Variants in TAF1B observed in about 807,000 individuals in gnomAD.
The protein encoded by TAF1B is TATA-box binding protein associated factor, RNA polymerase I subunit B, also known as TATA box-binding protein-associated factor RNA polymerase I subunit B.
In TAF1B, 61 loss-of-function variants were observed where a neutral mutation model predicts 83.9. The observed-to-expected ratio is 0.73, with a 90% CI of 0.59 to 0.90. TAF1B has a LOEUF of 0.90. TAF1B is among the 40% of genes least tolerant of loss of function. The pLI, the probability that TAF1B is intolerant of heterozygous loss-of-function variation, is 0.00. For missense variants in TAF1B, 625 were observed against 677.0 expected (o/e 0.92, Z 0.85); for synonymous variants, 221 against 224.6 (o/e 0.98, Z 0.14).
chr2:9,845,897 C>T (rs1663191041), intron 2 of TAF1B: 3 of 323,126 alleles, frequency 9.3e-6, no homozygotes, highest in South Asian at 5.4e-5. Context: ...GCAGGAGAAT[C>T]GCTTGGACCC....
chr2:9,914,640 C>T lies in TAF1B; in HGVS notation c.1271+1391C>T, dbSNP rs114807513. Reference sequence around the variant, plus strand: ...TGTCAGTTGCACATTTAAGACTTACCGGCTTTTAGCTACTTTAGGGAATAA... The same window carrying T: ...TGTCAGTTGCACATTTAAGACTTACTGGCTTTTAGCTACTTTAGGGAATAA... On this transcript the variant is annotated intron_variant, in intron 12 of 14. Transcript: ENST00000263663. The surrounding 1 kb of genome is among the most constrained non-coding windows in gnomAD (Gnocchi z 4.3). Among the ~76,000 whole-genome samples, 233 of 152,216 alleles carry T rather than the reference C, an allele frequency of 1.5e-3. No homozygotes were observed. The highest frequency in any genetic ancestry group is 4.6e-3 in the African/African-American group (189 of 41,534).
chr2:9,886,953 T>C (rs1320003938), intron 8 of TAF1B, among the ~76,000 whole-genome samples: 1 of 152,008 alleles, frequency 6.6e-6, no homozygotes, highest in South Asian at 2.1e-4. Context: ...TAGTCCCAGC[T>C]ACTCGGGAGG....
At chr2:9,916,200 A>G (rs1328905769) in intron 12 of TAF1B, among the ~76,000 whole-genome samples, 1 of 152,254 alleles carries the variant, frequency 6.6e-6, no homozygotes, top group Non-Finnish European at 1.5e-5. Context: ...AGTAAATTTT[A>G]CTGAATGTAA....
chr2:9,884,908 C>A (rs912345114), intron 8 of TAF1B, among the ~76,000 whole-genome samples: 6 of 152,174 alleles, frequency 3.9e-5, no homozygotes, highest in African/African-American at 1.4e-4. Flanking sequence ...TAGTGACCCA[C>A]ATTCTAACTC....
In TAF1B at chr2:9,854,163, C is replaced by T. The variant is rs141395106; in HGVS notation, c.304-163C>T. Among the ~76,000 whole-genome samples the T allele has an allele frequency of 4.7e-3, 719 of 152,238 alleles. 6 individuals are homozygous for T. Among genetic ancestry groups the T allele is most frequent in the Admixed American group, 0.011 (161 of 15,288 alleles). ...TGTTCTGATAGATGCTACATACAGA[C>T]CCCAGAGATTTTGTTCTCAACTTGT... On this transcript the variant is annotated intron_variant, in intron 4 of 14. Coordinates refer to ENST00000263663, the MANE Select transcript of TAF1B (RefSeq NM_005680.3).
At chr2:9,931,443 A>T (rs1558274539) in intron 14 of TAF1B, among the ~76,000 whole-genome samples, 1 of 152,102 alleles carries the variant, frequency 6.6e-6, no homozygotes. Context: ...GTTTGGCTGG[A>T]TATGAAATTC....
intron 8 of TAF1B, among the ~76,000 whole-genome samples, chr2:9,902,387 G>A (rs1391387264): frequency 6.6e-6 from 1 of 152,120 alleles, no homozygotes; most frequent in African/African-American, 2.4e-5. Flanking sequence ...GAGCTCTGCT[G>A]GGTGCTCCCT....
At chr2:9,884,616 G>C (rs1462409756) in intron 8 of TAF1B, among the ~76,000 whole-genome samples, 6 of 152,228 alleles carry the variant, frequency 3.9e-5, no homozygotes, top group Non-Finnish European at 7.3e-5. Flanking sequence ...GGAAGCTCCT[G>C]TCTGCAGGCA....
intron 14 of TAF1B, among the ~76,000 whole-genome samples, chr2:9,930,586 T>C (rs963857587): frequency 6.6e-6 from 1 of 152,220 alleles, no homozygotes; most frequent in Non-Finnish European, 1.5e-5. Flanking sequence ...TACTTCCAAC[T>C]ATGTGGTCAA....
At chr2:9,890,470 C>CA (rs1664835802) in intron 8 of TAF1B, among the ~76,000 whole-genome samples, 1 of 152,086 alleles carries the variant, frequency 6.6e-6, no homozygotes, top group Non-Finnish European at 1.5e-5. Context: ...GTTGCTCACT[C>CA]ATTCTTGGAT....
intron 3 of TAF1B, among the ~76,000 whole-genome samples, chr2:9,850,737 T>C (rs906359618): frequency 1.3e-5 from 2 of 152,114 alleles, no homozygotes; most frequent in African/African-American, 4.8e-5. Context: ...AACATAAGGG[T>C]CTTCACAGAC....
intron 5 of TAF1B, among the ~76,000 whole-genome samples, chr2:9,860,997 C>G (rs1663734072): frequency 6.6e-6 from 1 of 152,190 alleles, no homozygotes; most frequent in African/African-American, 2.4e-5. Context: ...AGGAACAGCT[C>G]CAGTCTACAG....
chr2:9,851,364 G>A (rs1663384846), intron 3 of TAF1B, among the ~76,000 whole-genome samples, 177 bp from the exon 4 acceptor site: 1 of 151,858 alleles, frequency 6.6e-6, no homozygotes, highest in African/African-American at 2.4e-5. Context: ...ATATAAGAAT[G>A]GAAGCCCTCT....
intron 10 of TAF1B, among the ~76,000 whole-genome samples, 153 bp downstream of exon 10, chr2:9,911,066 G>A (rs1238699894): frequency 6.6e-6 from 1 of 152,148 alleles, no homozygotes; most frequent in African/African-American, 2.4e-5. Flanking sequence ...CTCAAAAAAT[G>A]GAGACTCTCA....
chr2:9,863,839 G>A (rs765617725), intron 5 of TAF1B, among the ~76,000 whole-genome samples: 4 of 152,268 alleles, frequency 2.6e-5, no homozygotes, highest in African/African-American at 9.6e-5. Flanking sequence ...ACCTGTTCCC[G>A]AATGACTACT....
At chr2:9,884,089 CCAGT>C (rs1664595440) in intron 8 of TAF1B, among the ~76,000 whole-genome samples, 1 of 152,220 alleles carries the variant, frequency 6.6e-6, no homozygotes, top group Non-Finnish European at 1.5e-5. Flanking sequence ...TGGGGTCTGG[CCAGT>C]CAGATATGCC....
In TAF1B at chr2:9,849,453, C is replaced by A. The variant is rs368500459; in HGVS notation, c.198C>A (p.Asn66Lys). Residue 66 changes from asparagine to lysine, a missense_variant, in exon 3 of 15, where the codon AAC becomes AAA. Coordinates refer to ENST00000263663, the MANE Select transcript of TAF1B (RefSeq NM_005680.3). Reference protein sequence around the residue: ...KALNRGLKKKNNTEKGWDWYV... With the variant: ...KALNRGLKKKKNTEKGWDWYV... The stretch of plus-strand genomic sequence containing the variant: ...TCAACCGGGGGCTTAAAAAAAAAAA[C>A]AATACTGGTAAGTTCTTTCTTCATA... 2.0e-6 allele frequency: 3 copies of A among 1,504,866 alleles called. No homozygotes were observed. Among genetic ancestry groups the A allele is most frequent in the Admixed American group, 2.1e-5 (1 of 48,690 alleles). 93.2% of individuals were successfully genotyped at this position (1,504,866 alleles called of 1,614,324 possible). A position where few individuals can be genotyped will look rare whatever the true frequency, so the allele number is the denominator to read the frequency against.
intron 8 of TAF1B, among the ~76,000 whole-genome samples, chr2:9,902,554 A>AT (rs1395834907): frequency 2.0e-5 from 3 of 152,160 alleles, no homozygotes; most frequent in Non-Finnish European, 4.4e-5. Context: ...TTGAAGATTG[A>AT]TTCATTGTTA....
chr2:9,903,661 G>A (rs1454600066), intron 8 of TAF1B, among the ~76,000 whole-genome samples: 1 of 152,178 alleles, frequency 6.6e-6, no homozygotes, highest in Non-Finnish European at 1.5e-5. Context: ...TTACTCCCAT[G>A]TGGAAAGCAC....
Sources: gnomAD v4.1 joint callset for allele counts (sites outside exome capture counted in the v4.1 genomes callset) on GRCh38, gnomAD v4.1.1 for gene constraint, Gnocchi (gnomAD v3.1) non-coding constraint, MANE v1.5 for transcripts, NCBI Gene and HGNC (gene_info 2026-07-23, HGNC 2026-07-21) for gene names.